SLC25A21: variants seen among roughly 807,000 people sequenced by gnomAD.
SLC25A21 encodes solute carrier family 25 member 21.
SLC25A21 carries 47 observed loss-of-function variants against 43.8 expected under a neutral mutation model. The ratio of observed to expected loss-of-function variants is 1.07; its 90% CI spans 0.85 to 1.37. The LOEUF (loss-of-function observed/expected upper bound fraction) is 1.37, where lower values mean the gene tolerates loss of function less well. SLC25A21 is among the 40% of genes most tolerant of loss of function. SLC25A21 has a pLI of 0.00. For missense variants in SLC25A21, 352 were observed against 350.2 expected, an observed-to-expected ratio of 1.00 and a Z score of -0.04; for synonymous variants, 131 against 121.3, an observed-to-expected ratio of 1.08 and a Z score of -0.52.
Position 36,849,795 on chromosome 14 carries a change from G to GA in SLC25A21, c.119+25160dup, listed in dbSNP as rs1407249170. Among the ~76,000 whole-genome samples the GA allele has an allele frequency of 4.6e-5, 7 of 152,274 alleles. No individual in the cohort carries two copies. In the East Asian group the frequency reaches 1.3e-3, roughly 29 times the overall value. The stretch of plus-strand genomic sequence containing the variant: ...TGCTAGAACTGTAATGAATTCATTA[G>GA]AACCTCTCATCTTGCTCACTTAAGT... On this transcript the variant is annotated intron_variant, in intron 2 of 9. Coordinates refer to ENST00000331299, the MANE Select transcript of SLC25A21 (RefSeq NM_030631.4).
intron 1 of SLC25A21, among the ~76,000 whole-genome samples, chr14:37,029,758 C>A (rs1047365290): frequency 1.9e-5 from 2 of 106,262 alleles, no homozygotes; most frequent in Non-Finnish European, 3.5e-5. Flanking sequence ...TAATAGCCGA[C>A]TTTTTTTTTT....
At chr14:36,892,404 C>T (rs1891095886) in intron 1 of SLC25A21, among the ~76,000 whole-genome samples, 1 of 151,914 alleles carries the variant, frequency 6.6e-6, no homozygotes, top group Non-Finnish European at 1.5e-5. Flanking sequence ...TGAACGGATA[C>T]AGGAAATGTG....
intron 1 of SLC25A21, among the ~76,000 whole-genome samples, chr14:37,121,940 C>T (rs75902619): frequency 0.05 from 7,394 of 146,948 alleles, 601 homozygotes; most frequent in African/African-American, 0.17. Flanking sequence ...ATCAAGTGTC[C>T]CCTAATGCCC....
intron 1 of SLC25A21, among the ~76,000 whole-genome samples, chr14:37,145,213 A>G (rs1343994975): frequency 6.6e-6 from 1 of 152,074 alleles, no homozygotes; most frequent in African/African-American, 2.4e-5. Flanking sequence ...ATCTGGTATC[A>G]GGCATTAAGA....
At chr14:36,945,818 T>C (rs1227628895) in intron 1 of SLC25A21, among the ~76,000 whole-genome samples, 1 of 152,190 alleles carries the variant, frequency 6.6e-6, no homozygotes, top group Admixed American at 6.6e-5. Flanking sequence ...ATAATGTGAA[T>C]GTACTTAATG....
intron 1 of SLC25A21, among the ~76,000 whole-genome samples, chr14:36,904,303 A>G (rs1180040539): frequency 2.0e-5 from 3 of 152,206 alleles, no homozygotes; most frequent in African/African-American, 4.8e-5. Flanking sequence ...TCAAAGGGCC[A>G]TCTAGTTTTG....
rs181195609 is a variant in SLC25A21 at position 37,060,700 on chromosome 14, A to C, written c.70+111581T>G. ...GATTTGGCCCACTGCCCATCTTTGCAACCTCGGAAGACAGGCTCCAAGTTC... is the reference window on the plus strand; with the variant it reads ...GATTTGGCCCACTGCCCATCTTTGCCACCTCGGAAGACAGGCTCCAAGTTC... On this transcript the variant is annotated intron_variant, in intron 1 of 9. Transcript: ENST00000331299. Among the ~76,000 whole-genome samples, 861 of 152,224 alleles carry C rather than the reference A, an allele frequency of 5.7e-3. 7 individuals are homozygous for C. The highest frequency in any genetic ancestry group is 9.1e-3 in the Non-Finnish European group (622 of 68,006).
At chr14:37,002,265 G>A (rs531600129) in intron 1 of SLC25A21, among the ~76,000 whole-genome samples, 1 of 152,168 alleles carries the variant, frequency 6.6e-6, no homozygotes, top group South Asian at 2.1e-4. Flanking sequence ...CCAGCTCCAG[G>A]GTCTTTGTTC....
chr14:37,005,524 T>C (rs745490934), intron 1 of SLC25A21, among the ~76,000 whole-genome samples: 18 of 152,210 alleles, frequency 1.2e-4, no homozygotes, highest in Non-Finnish European at 2.4e-4. Context: ...GTACAAACTA[T>C]AAAACACAAC....
chr14:36,864,833 T>C (rs1890167687), intron 2 of SLC25A21, among the ~76,000 whole-genome samples: 1 of 152,194 alleles, frequency 6.6e-6, no homozygotes, highest in African/African-American at 2.4e-5. Flanking sequence ...GGCATAACCA[T>C]GTTCTAACCC....
chr14:37,056,294 T>C (rs1469184682), intron 1 of SLC25A21, among the ~76,000 whole-genome samples: 1 of 151,940 alleles, frequency 6.6e-6, no homozygotes, highest in Non-Finnish European at 1.5e-5. Context: ...ATCAAGACCA[T>C]CCTGGCTAAC....
chr14:36,769,738 A>G (rs1886547274), intron 3 of SLC25A21, among the ~76,000 whole-genome samples: 1 of 152,242 alleles, frequency 6.6e-6, no homozygotes, highest in African/African-American at 2.4e-5. Flanking sequence ...AGAATTCATG[A>G]CAAGAAAACT....
At chr14:37,035,128 C>T (rs1166638711) in intron 1 of SLC25A21, among the ~76,000 whole-genome samples, 2 of 152,316 alleles carry the variant, frequency 1.3e-5, no homozygotes, top group South Asian at 2.1e-4. Context: ...ATTTCAGACA[C>T]GCATTTTTGG....
At chr14:37,084,638 T>C (rs1167659592) in intron 1 of SLC25A21, among the ~76,000 whole-genome samples, 7 of 152,258 alleles carry the variant, frequency 4.6e-5, no homozygotes, top group African/African-American at 1.4e-4. Context: ...TCTAGTTATA[T>C]AGTCGGTCCC....
At chr14:36,803,597 T>G (rs1887940096) in intron 3 of SLC25A21, among the ~76,000 whole-genome samples, 1 of 152,196 alleles carries the variant, frequency 6.6e-6, no homozygotes, top group African/African-American at 2.4e-5. Flanking sequence ...ATCTAACACT[T>G]TATCTCATTT....
intron 1 of SLC25A21, among the ~76,000 whole-genome samples, chr14:37,014,601 G>A (rs1236430851): frequency 1.3e-5 from 2 of 152,054 alleles, no homozygotes; most frequent in African/African-American, 2.4e-5. Flanking sequence ...TGTCAATGTT[G>A]ATATTTTGAC....
At chr14:37,126,765 G>A (rs1167977061) in intron 1 of SLC25A21, among the ~76,000 whole-genome samples, 1 of 152,134 alleles carries the variant, frequency 6.6e-6, no homozygotes, top group African/African-American at 2.4e-5. Context: ...AAACATTCAG[G>A]GCATTCTTTA....
At chr14:36,689,276 T>C (rs1014135809) in intron 7 of SLC25A21, among the ~76,000 whole-genome samples, 1 of 152,194 alleles carries the variant, frequency 6.6e-6, no homozygotes, top group African/African-American at 2.4e-5. Context: ...TGGGAAAACC[T>C]GCCTCCATGA....
intron 5 of SLC25A21, among the ~76,000 whole-genome samples, chr14:36,727,631 C>T (rs1248405740): frequency 7.9e-5 from 12 of 151,674 alleles, no homozygotes; most frequent in Non-Finnish European, 1.8e-4. Flanking sequence ...GAGGTTGCAG[C>T]GAGCTGAGAT....
Sources: gnomAD v4.1 joint callset for allele counts (sites outside exome capture counted in the v4.1 genomes callset) on GRCh38, gnomAD v4.1.1 for gene constraint, MANE v1.5 for transcripts, NCBI Gene and HGNC (gene_info 2026-07-23, HGNC 2026-07-21) for gene names.